Variants in CACNA1E observed in about 807,000 individuals in gnomAD.
The protein encoded by CACNA1E is calcium voltage-gated channel subunit alpha1 E.
CACNA1E carries 40 observed loss-of-function variants against 259.2 expected under a neutral mutation model. The ratio of observed to expected loss-of-function variants is 0.15; its 90% confidence interval spans 0.12 to 0.20. The LOEUF (loss-of-function observed/expected upper bound fraction) is 0.20, where lower values mean the gene tolerates loss of function less well. Ranked by LOEUF, CACNA1E falls within the 10% of genes least tolerant of loss-of-function variation. The probability of loss-of-function intolerance (pLI) is 1.00; values close to 1 mark genes in which losing one functional copy is unlikely to be tolerated. For synonymous variants in CACNA1E, 1,104 were observed against 1,138.5 expected, an observed-to-expected ratio of 0.97 and a Z score of 0.61; for missense variants, 1,874 against 3,040.1, an observed-to-expected ratio of 0.62 and a Z score of 9.02.
At chr1:181,469,534 C>T (rs1662361561) in intron 2 of CACNA1E, among the ~76,000 whole-genome samples, 1 of 151,886 alleles carries the variant, frequency 6.6e-6, no homozygotes, top group Non-Finnish European at 1.5e-5. Context: ...GAATATAGTA[C>T]CAGACAACAA....
intron 6 of CACNA1E, among the ~76,000 whole-genome samples, chr1:181,626,710 G>A (rs1178391135): frequency 1.3e-5 from 2 of 152,168 alleles, no homozygotes; most frequent in Non-Finnish European, 2.9e-5. Context: ...AGGTCCCTCC[G>A]AGCAGTAAAG....
chr1:181,566,085 C>T (rs923508269), intron 3 of CACNA1E, among the ~76,000 whole-genome samples: 9 of 152,294 alleles, frequency 5.9e-5, no homozygotes, highest in African/African-American at 2.2e-4. Context: ...CATAGGATAC[C>T]ATAAAGCTCT....
intron 3 of CACNA1E, among the ~76,000 whole-genome samples, chr1:181,533,697 A>G (rs1283773851): frequency 1.3e-5 from 2 of 152,102 alleles, no homozygotes; most frequent in Non-Finnish European, 2.9e-5. Context: ...ACAATGTTGA[A>G]TCTTACCAAT....
At chr1:181,775,863 A>G (rs1390508242) in intron 37 of CACNA1E, among the ~76,000 whole-genome samples, 1 of 152,190 alleles carries the variant, frequency 6.6e-6, no homozygotes, top group African/African-American at 2.4e-5. Context: ...CTATCTGACC[A>G]GTTCACCGAT....
At chr1:181,447,999 G>T (rs1660902680) in intron 2 of CACNA1E, among the ~76,000 whole-genome samples, 1 of 152,144 alleles carries the variant, frequency 6.6e-6, no homozygotes, top group Non-Finnish European at 1.5e-5. Flanking sequence ...GGTGTGATTA[G>T]ATAAGAGATT....
intron 1 of CACNA1E, among the ~76,000 whole-genome samples, chr1:181,320,354 G>A (rs542198538): frequency 1.4e-4 from 21 of 152,220 alleles, no homozygotes; most frequent in South Asian, 4.2e-4. Flanking sequence ...GGACTCTTAC[G>A]GATGTGTCAG....
chr1:181,438,311 G>A (rs1660225302), intron 2 of CACNA1E, among the ~76,000 whole-genome samples: 1 of 152,166 alleles, frequency 6.6e-6, no homozygotes, highest in Admixed American at 6.5e-5. Flanking sequence ...GCTAGAGTGG[G>A]CAAAAGTATT....
At chr1:181,720,634 T>C in intron 14 of CACNA1E, 149 bp from the exon 15 acceptor site, 1 of 665,266 alleles carries the variant, frequency 1.5e-6, no homozygotes, top group Non-Finnish European at 2.7e-6. Flanking sequence ...TTACAGTCTT[T>C]GTAAGTTATG....
intron 36 of CACNA1E, 94 bp downstream of exon 36, chr1:181,771,478 A>G (rs1659508170): frequency 6.9e-6 from 5 of 726,576 alleles, no homozygotes; most frequent in South Asian, 1.6e-5. Context: ...TTGTATCTTT[A>G]TTCCACTTCC....
chr1:181,637,199 A>G (rs1558212338), intron 6 of CACNA1E, among the ~76,000 whole-genome samples: 1 of 152,218 alleles, frequency 6.6e-6, no homozygotes, highest in Admixed American at 6.5e-5. Context: ...TCCTGAGCTC[A>G]TCAGAGATAA....
chr1:181,416,615 C>T lies in CACNA1E; in HGVS notation c.434+3035C>T, dbSNP rs1051414838. 3.9e-5 allele frequency among the ~76,000 whole-genome samples: 6 copies of T among 152,160 alleles called. No individual in the cohort carries two copies. In the South Asian group the frequency reaches 1.2e-3, roughly 32 times the overall value. On this transcript the variant is annotated intron_variant, in intron 2 of 11. Coordinates refer to the CACNA1E transcript ENST00000524607. Reference sequence around the variant, plus strand: ...CTCTCTTATTTCTGCTGGAGCCTCCCCCCAGGAATGCGGCTTGCTCTGCAG... The same window carrying T: ...CTCTCTTATTTCTGCTGGAGCCTCCTCCCAGGAATGCGGCTTGCTCTGCAG...
At chr1:181,419,201 A>G (rs1053255991) in intron 2 of CACNA1E, among the ~76,000 whole-genome samples, 7 of 151,990 alleles carry the variant, frequency 4.6e-5, no homozygotes, top group African/African-American at 1.5e-4. Flanking sequence ...CATGATTTCC[A>G]TCTTCTCCCT....
Position 181,529,769 on chromosome 1 carries a change from T to A in CACNA1E, c.512+18259T>A, listed in dbSNP as rs147346612. Among the ~76,000 whole-genome samples the A allele has an allele frequency of 4.5e-3, 685 of 152,320 alleles. 4 individuals are homozygous for A. The highest frequency in any genetic ancestry group is 0.027 in the Middle Eastern group (8 of 294). On this transcript the variant is annotated intron_variant, in intron 3 of 47. Coordinates refer to ENST00000367573, the MANE Select transcript of CACNA1E (RefSeq NM_001205293.3). ...TTTGGCCAATTTTTCCCATTTGGAA[T>A]GGCTGTATTCCCCCAATACCTGTAC...
At position 181,616,538 on chromosome 1, in the gene CACNA1E, C is replaced by T. The variant is rs143363924; in HGVS notation, c.952-34800C>T. Among the ~76,000 whole-genome samples, 117 of 152,102 alleles carry T rather than the reference C, an allele frequency of 7.7e-4. 1 individual carries two copies. The East Asian group carries it at 0.018, about 23-fold the overall frequency. On this transcript the variant is annotated intron_variant, in intron 6 of 47. Transcript: ENST00000367573. ...CCATCCTGGCCAACATGGTGAAACC[C>T]CATCTCTACTAAAAAAATTACGAAA...
chr1:181,752,808 C>A (rs901601838), intron 27 of CACNA1E, among the ~76,000 whole-genome samples: 1 of 152,148 alleles, frequency 6.6e-6, no homozygotes, highest in Non-Finnish European at 1.5e-5. Context: ...CTTCCTATTG[C>A]CAGGACCTTT....
chr1:181,680,129 AAAAAAG>A (rs1649799705), intron 7 of CACNA1E, among the ~76,000 whole-genome samples: 1 of 133,398 alleles, frequency 7.5e-6, no homozygotes, highest in Non-Finnish European at 1.6e-5. Flanking sequence ...AAAAAAAAAA[AAAAAAG>A]AGTCCCCAAT....
At chr1:181,554,077 C>T (rs903682319) in intron 3 of CACNA1E, among the ~76,000 whole-genome samples, 6 of 152,210 alleles carry the variant, frequency 3.9e-5, no homozygotes, top group East Asian at 3.9e-4. Context: ...GTGGTGAGAT[C>T]ACAGCCCACT....
At chr1:181,783,417 G>A (rs184288046) in intron 39 of CACNA1E, among the ~76,000 whole-genome samples, 201 of 152,252 alleles carry the variant, frequency 1.3e-3, no homozygotes, top group African/African-American at 4.7e-3. Flanking sequence ...TGAATGATTA[G>A]GGAAGCCCCT....
At chr1:181,541,437 T>G (rs1668573117) in intron 3 of CACNA1E, among the ~76,000 whole-genome samples, 1 of 151,052 alleles carries the variant, frequency 6.6e-6, no homozygotes, top group Admixed American at 6.6e-5. Flanking sequence ...ATTAGATAGG[T>G]AGACAATGAA....
Sources: allele counts gnomAD v4.1 joint callset (sites outside exome capture counted in the v4.1 genomes callset), GRCh38; gene constraint gnomAD v4.1.1; transcripts MANE v1.5; gene names NCBI Gene and HGNC (gene_info 2026-07-23, HGNC 2026-07-21).